Variants in NEBL observed in about 807,000 individuals in gnomAD.
NEBL encodes the protein LIM and SH3 protein 2.
Under a neutral mutation model 140.2 loss-of-function variants are expected in NEBL, and 122 were observed. The ratio of observed to expected loss-of-function variants is 0.87; its 90% confidence interval spans 0.75 to 1.01. The LOEUF is 1.01. Among genes scored for constraint, NEBL ranks in the 50% least tolerant of loss-of-function variants. The probability of loss-of-function intolerance (pLI) is 0.00; values close to 1 mark genes in which losing one functional copy is unlikely to be tolerated. For synonymous variants in NEBL, 436 were observed against 398.9 expected (o/e 1.09, Z -1.11); for missense variants, 1,365 against 1,231.3 (o/e 1.11, Z -1.62).
Position 21,094,329 on chromosome 10 carries a change from C to T in NEBL, c.165-74128G>A, listed in dbSNP as rs557869230. Reference sequence around the variant, plus strand: ...CATCCTGGCTAATACGGTGAAACCCCGTCTCTACTAAAAATATAAAAAATT... The same window carrying T: ...CATCCTGGCTAATACGGTGAAACCCTGTCTCTACTAAAAATATAAAAAATT... On this transcript the variant is annotated intron_variant, in intron 2 of 6. Coordinates refer to the NEBL transcript ENST00000417816. Among the ~76,000 whole-genome samples, 932 of 151,950 alleles carry T rather than the reference C, an allele frequency of 6.1e-3. 7 individuals carry two copies. The highest frequency in any genetic ancestry group is 8.9e-3 in the Non-Finnish European group (608 of 67,954).
intron 3 of NEBL, among the ~76,000 whole-genome samples, chr10:20,982,838 G>C (rs914538012): frequency 6.6e-6 from 1 of 152,056 alleles, no homozygotes; most frequent in Admixed American, 6.6e-5. Context: ...GATAATTTCT[G>C]ATATCAGGGC....
intron 3 of NEBL, among the ~76,000 whole-genome samples, chr10:21,206,441 A>G (rs927626771): frequency 1.3e-5 from 2 of 152,176 alleles, no homozygotes; most frequent in African/African-American, 4.8e-5. Flanking sequence ...AAATATTTTT[A>G]TCTCAAAAAT....
intron 2 of NEBL, among the ~76,000 whole-genome samples, chr10:21,084,924 C>T (rs1361473907): frequency 6.6e-6 from 1 of 152,176 alleles, no homozygotes; most frequent in African/African-American, 2.4e-5. Context: ...TTACGCATGG[C>T]TAGCCCTGTT....
At chr10:21,008,137 G>A (rs1006916118) in intron 3 of NEBL, among the ~76,000 whole-genome samples, 75 of 152,076 alleles carry the variant, frequency 4.9e-4, no homozygotes, top group African/African-American at 1.8e-3. Flanking sequence ...ACGTGTGTGT[G>A]TATATATGTA....
chr10:21,169,337 C>T (rs1840977418), intron 2 of NEBL, among the ~76,000 whole-genome samples: 1 of 151,530 alleles, frequency 6.6e-6, no homozygotes, highest in Non-Finnish European at 1.5e-5. Context: ...TAAAATATTG[C>T]ATTACATGGA....
intron 3 of NEBL, among the ~76,000 whole-genome samples, chr10:20,997,051 A>C (rs528368293): frequency 1.3e-5 from 2 of 152,300 alleles, no homozygotes; most frequent in East Asian, 3.9e-4. Flanking sequence ...ATCTTTCTAC[A>C]CTGTAACTGA....
At chr10:21,105,639 G>A (rs760549496) in intron 2 of NEBL, among the ~76,000 whole-genome samples, 11 of 152,150 alleles carry the variant, frequency 7.2e-5, no homozygotes, top group South Asian at 2.1e-4. Flanking sequence ...TAGTACTGCA[G>A]TAAACATATG....
intron 1 of NEBL, among the ~76,000 whole-genome samples, chr10:21,284,024 C>G (rs117435071): frequency 8.4e-6 from 1 of 118,678 alleles, no homozygotes; most frequent in African/African-American, 3.2e-5. Context: ...CATAGCAAAA[C>G]CTAATCTGCA....
chr10:20,942,315 C>T (rs1411109682), intron 4 of NEBL, among the ~76,000 whole-genome samples: 1 of 152,096 alleles, frequency 6.6e-6, no homozygotes, highest in African/African-American at 2.4e-5. Context: ...CTTTGACAAA[C>T]CTGACAAAAA....
intron 4 of NEBL, among the ~76,000 whole-genome samples, chr10:20,939,569 A>G (rs1240663509): frequency 3.3e-5 from 5 of 152,224 alleles, no homozygotes; most frequent in African/African-American, 1.2e-4. Context: ...GACAGGATCA[A>G]ATTCACACAT....
chr10:21,215,036 A>T (rs1841970965), intron 3 of NEBL, among the ~76,000 whole-genome samples: 1 of 152,138 alleles, frequency 6.6e-6, no homozygotes, highest in Admixed American at 6.6e-5. Flanking sequence ...CCATGAAGAG[A>T]TGTCAACTTC....
intron 3 of NEBL, among the ~76,000 whole-genome samples, chr10:21,199,926 G>A (rs1841706933): frequency 1.3e-5 from 2 of 151,866 alleles, no homozygotes; most frequent in South Asian, 2.1e-4. Context: ...CACAGAGCTG[G>A]GGAGAGACTG....
chr10:21,203,133 T>C (rs753551089), intron 3 of NEBL, among the ~76,000 whole-genome samples: 8 of 152,250 alleles, frequency 5.3e-5, no homozygotes, highest in Non-Finnish European at 1.2e-4. Context: ...ATATAGGTAC[T>C]TTTTAAAAAT....
At chr10:20,802,992 C>G (rs138313883) in intron 26 of NEBL, among the ~76,000 whole-genome samples, 3 of 152,210 alleles carry the variant, frequency 2.0e-5, no homozygotes, top group Admixed American at 2.0e-4. Context: ...ATAACCCGGA[C>G]CAAGTCGTGA....
intron 2 of NEBL, among the ~76,000 whole-genome samples, chr10:21,122,022 T>C (rs1838599782): frequency 6.6e-6 from 1 of 151,812 alleles, no homozygotes; most frequent in Non-Finnish European, 1.5e-5. Context: ...GTTGTTGTTG[T>C]TGTTGTTGTT....
chr10:21,099,254 T>A (rs151236878), intron 2 of NEBL, among the ~76,000 whole-genome samples: 133 of 152,312 alleles, frequency 8.7e-4, no homozygotes, highest in South Asian at 3.9e-3. Flanking sequence ...CGGGTATGAA[T>A]TCAATGATTC....
intron 2 of NEBL, among the ~76,000 whole-genome samples, chr10:21,153,358 T>C (rs898467960): frequency 4.1e-5 from 6 of 146,342 alleles, no homozygotes; most frequent in African/African-American, 1.5e-4. Context: ...TTTTGCTCTG[T>C]CATCCAGGCT....
At chr10:21,102,525 G>A (rs544981854) in intron 2 of NEBL, among the ~76,000 whole-genome samples, 48 of 152,326 alleles carry the variant, frequency 3.2e-4, no homozygotes, top group Non-Finnish European at 4.9e-4. Context: ...GAGCCATATA[G>A]TGTGGACAAA....
intron 2 of NEBL, among the ~76,000 whole-genome samples, chr10:21,124,023 G>C (rs1419883372): frequency 6.6e-6 from 1 of 151,796 alleles, no homozygotes; most frequent in Non-Finnish European, 1.5e-5. Context: ...CATACAGAAG[G>C]TAGACAATAT....
Sources: allele counts gnomAD v4.1 joint callset (sites outside exome capture counted in the v4.1 genomes callset), GRCh38; gene constraint gnomAD v4.1.1; transcripts MANE v1.5; gene names NCBI Gene and HGNC (gene_info 2026-07-23, HGNC 2026-07-21).